Variants in SEPTIN8 observed in about 807,000 individuals in gnomAD.
SEPTIN8 encodes septin-8.
SEPTIN8 carries 22 observed loss-of-function variants against 53.1 expected under a neutral mutation model. That is an observed-to-expected ratio of 0.41 (90% CI 0.30 to 0.59). SEPTIN8 has a LOEUF of 0.59. Ranked by LOEUF, SEPTIN8 falls within the 20% of genes least tolerant of loss-of-function variation. The probability of loss-of-function intolerance (pLI) is 0.24; values close to 1 mark genes in which losing one functional copy is unlikely to be tolerated. For synonymous variants in SEPTIN8, 228 were observed against 248.4 expected (o/e 0.92, Z 0.77); for missense variants, 536 against 638.7 (o/e 0.84, Z 1.73).
chr5:132,780,081 A>G (rs942972103), upstream of SEPTIN8, among the ~76,000 whole-genome samples: 10 of 152,238 alleles, frequency 6.6e-5, no homozygotes, highest in East Asian at 3.8e-4. Context: ...AGGCAATGAT[A>G]GTAATACAGT....
Position 132,773,749 on chromosome 5 carries a change from T to C in SEPTIN8, c.30+3359A>G, listed in dbSNP as rs1456134667. 2.6e-5 allele frequency among the ~76,000 whole-genome samples: 4 copies of C among 152,200 alleles called. No homozygotes were observed. Among genetic ancestry groups the C allele is most frequent in the Non-Finnish European group, 4.4e-5 (3 of 68,030 alleles). ...GAGCTTGGTCTCCTCCTTGCCATCC[T>C]CTCTGTTCCTATCATGGTCAGTCTT... On this transcript the variant is annotated intron_variant, in intron 1 of 9. Coordinates refer to ENST00000378719, the MANE Select transcript of SEPTIN8 (RefSeq NM_001098811.2). This position sits in a 1 kb window ranked among gnomAD's most constrained non-coding sequence, Gnocchi z 4.2.
Position 132,752,248 on chromosome 5 carries a change from G to T in SEPTIN8, c.1287-67C>A, listed in dbSNP as rs1158818081. On this transcript the variant is annotated intron_variant, in intron 9 of 9. Transcript: ENST00000378719. ...GGCTCTGTGTTTTGCCCCTTTAGCT[G>T]ACACACTCTGACCCCAAAGGGGTAC... 3 of 1,515,960 alleles carry T rather than the reference G, an allele frequency of 2.0e-6. No homozygotes were observed. In the African/African-American group the frequency reaches 4.1e-5, roughly 21 times the overall value. 93.9% of individuals were successfully genotyped at this position (1,515,960 alleles called of 1,614,324 possible).
In SEPTIN8 at chr5:132,751,770, C is replaced by A; in HGVS notation, c.*246G>T. On this transcript the variant is annotated 3_prime_UTR_variant, in exon 10 of 10. Coordinates refer to ENST00000378719, the MANE Select transcript of SEPTIN8 (RefSeq NM_001098811.2). ...AAGCAGACTTTTTTTTTTTTTTGGT[C>A]CCGGAGTGGAAGCTCAGCTTGGCCA... The A allele has an allele frequency of 1.7e-6, 1 of 604,294 alleles. No individual in the cohort carries two copies. Among genetic ancestry groups the A allele is most frequent in the Non-Finnish European group, 2.8e-6 (1 of 359,114 alleles). 37.4% of individuals were successfully genotyped at this position (604,294 alleles called of 1,614,324 possible).
At chr5:132,772,970 G>T (rs1169213702) in intron 1 of SEPTIN8, among the ~76,000 whole-genome samples, 1 of 152,186 alleles carries the variant, frequency 6.6e-6, no homozygotes, top group Admixed American at 6.5e-5. Context: ...TGACCTCTAG[G>T]ATAGGGAACA....
intron 9 of SEPTIN8, chr5:132,758,527 A>G (rs771580046): frequency 1.7e-5 from 28 of 1,613,398 alleles, no homozygotes; most frequent in Non-Finnish European, 2.1e-5. Context: ...GGGAATAGTG[A>G]CACTGTAAAT....
In SEPTIN8 at chr5:132,764,258, C is replaced by A; in HGVS notation, c.313G>T (p.Val105Leu). 1.9e-6 allele frequency: 3 copies of A among 1,613,814 alleles called. No homozygotes were observed. Among genetic ancestry groups the A allele is most frequent in the South Asian group, 1.1e-5 (1 of 91,024 alleles). The stretch of plus-strand genomic sequence containing the variant: ...TTATTGATCTGATCCCCAAAGCCCA[C>A]GGCATCCACAATGGTCAGCTTGAGC... ...VQLKLTIVDA[V>L]GFGDQINKDE... The change falls in exon 3 of 10, where the codon GTG becomes TTG. Residue 105 changes from valine to leucine, a missense_variant. By Grantham distance (32) the Val-to-Leu change is conservative. This residue lies in a region of SEPTIN8 where 395 missense variants were observed against 451.8 expected (regional missense o/e 0.87). Coordinates refer to ENST00000378719, the MANE Select transcript of SEPTIN8 (RefSeq NM_001098811.2).
intron 1 of SEPTIN8, among the ~76,000 whole-genome samples, chr5:132,766,700 C>A (rs1160635986): frequency 6.6e-6 from 1 of 152,174 alleles, no homozygotes; most frequent in African/African-American, 2.4e-5. Context: ...TGAAGCAGGT[C>A]CAGCTAAGGA....
intron 1 of SEPTIN8, among the ~76,000 whole-genome samples, chr5:132,766,549 G>A (rs1362326255): frequency 6.6e-6 from 1 of 152,152 alleles, no homozygotes; most frequent in Non-Finnish European, 1.5e-5. Context: ...CCCTCTGGAG[G>A]GCAGACCTTA....
rs199555629 is a variant in SEPTIN8 at position 132,764,321 on chromosome 5, G to A, written c.250C>T (p.Arg84Trp). Residue 84 changes from arginine (R) to tryptophan (W), a missense_variant, in exon 3 of 10, where the codon CGG becomes TGG. By Grantham distance (101) the Arg-to-Trp change is moderately radical (BLOSUM62 -3). Transcript: ENST00000378719. ...ASHHEACVRLRPQTYDLQESN... is the reference protein window; with the variant it reads ...ASHHEACVRLWPQTYDLQESN... ...TCCTGGAGGTCATAGGTCTGGGGCC[G>A]CAGGCGCACGCATGCCTCATGGTGA... 498 of 1,614,196 alleles carry A rather than the reference G, an allele frequency of 3.1e-4. No individual in the cohort carries two copies. The highest frequency in any genetic ancestry group is 3.9e-4 in the Non-Finnish European group (461 of 1,180,006).
chr5:132,761,794 A>G lies in SEPTIN8; in HGVS notation c.793+6T>C. On this transcript the variant is annotated splice_donor_region_variant and intron_variant, in intron 6 of 9. Transcript: ENST00000378719. The surrounding 1 kb of genome is among the most constrained non-coding windows in gnomAD (Gnocchi z 5.8). Reference sequence around the variant, plus strand: ...CCCCCAGGATGCATTTCCTGTCCACACTCACCCTGCACCACTCCCCAGGGG... The same window carrying G: ...CCCCCAGGATGCATTTCCTGTCCACGCTCACCCTGCACCACTCCCCAGGGG... 1.2e-6 allele frequency: 2 copies of G among 1,605,974 alleles called. No homozygotes were observed. Among genetic ancestry groups the G allele is most frequent in the South Asian group, 2.2e-5 (2 of 89,632 alleles).
At chr5:132,754,111 G>T in intron 9 of SEPTIN8, 1 of 344,126 alleles carries the variant, frequency 2.9e-6, no homozygotes, top group Non-Finnish European at 5.4e-6. Flanking sequence ...ATTTTTTCTT[G>T]ACACACTTTT....
rs911354420 is a variant in SEPTIN8 at position 132,773,020 on chromosome 5, C to T, written c.30+4088G>A. On this transcript the variant is annotated intron_variant, in intron 1 of 9. Coordinates refer to ENST00000378719, the MANE Select transcript of SEPTIN8 (RefSeq NM_001098811.2). The surrounding 1 kb of genome is among the most constrained non-coding windows in gnomAD (Gnocchi z 4.2). ...ATCCTGAGGAGAATATCTAATTTGC[C>T]CCAAGAACATGTAGGGCAACTGCAC... Among the ~76,000 whole-genome samples the T allele has an allele frequency of 6.6e-6, 1 of 152,170 alleles. No homozygotes were observed. The highest frequency in any genetic ancestry group is 1.9e-4 in the East Asian group (1 of 5,198).
At chr5:132,777,818 G>T, upstream of SEPTIN8, 1 of 985,490 alleles carries the variant, frequency 1.0e-6, no homozygotes, top group Non-Finnish European at 1.2e-6. This position sits in a 1 kb window ranked among gnomAD's most constrained non-coding sequence, Gnocchi z 4.1. Context: ...CCGGCCAGGC[G>T]GCCTTCCCGG....
chr5:132,755,092 G>T (rs987473613), intron 9 of SEPTIN8, among the ~76,000 whole-genome samples: 2 of 152,110 alleles, frequency 1.3e-5, no homozygotes, highest in African/African-American at 4.8e-5. Flanking sequence ...TCAAAGCTTG[G>T]TGAATACTTT....
intron 1 of SEPTIN8, 67 bp from the exon 2 acceptor site, chr5:132,765,596 C>T (rs943740446): frequency 5.4e-5 from 82 of 1,511,110 alleles, no homozygotes; most frequent in Admixed American, 4.5e-4. Context: ...GCGGGGTGGG[C>T]GCTAAATCTG....
At position 132,761,062 on chromosome 5, in the gene SEPTIN8, C is replaced by A. The variant is rs1269585750; in HGVS notation, c.1096-70G>T. 6.2e-7 allele frequency: 1 copy of A among 1,606,148 alleles called. No homozygotes were observed. Among genetic ancestry groups the A allele is most frequent in the Non-Finnish European group, 8.5e-7 (1 of 1,175,496 alleles). On this transcript the variant is annotated intron_variant, in intron 8 of 9. Transcript: ENST00000378719. The surrounding 1 kb of genome is among the most constrained non-coding windows in gnomAD (Gnocchi z 5.8). Reference sequence around the variant, plus strand: ...GCTTGAGCCTGGGCCAGGAAGGCACCCCCACCTCTACCCTCAGCCAGGCCT... The same window carrying A: ...GCTTGAGCCTGGGCCAGGAAGGCACACCCACCTCTACCCTCAGCCAGGCCT...
intron 9 of SEPTIN8, chr5:132,753,079 T>G: frequency 2.3e-6 from 2 of 873,894 alleles, no homozygotes. Context: ...GGAAGGTGGC[T>G]CTGGAAGAGC....
At position 132,752,109 on chromosome 5, in the gene SEPTIN8, A is replaced by T; in HGVS notation, c.1359T>A (p.Ser453Arg). 1 of 1,599,468 alleles carries T rather than the reference A, an allele frequency of 6.3e-7. No homozygotes were observed. Residue 453 changes from serine to arginine, a missense_variant, in exon 10 of 10, where the codon AGT (serine) becomes AGA (arginine). Physicochemically the swap from Ser to Arg is moderately radical, Grantham distance 110. Around this residue, in one of 3 missense-constraint regions of SEPTIN8, gnomAD observed 133 missense variants for 157.4 expected, o/e 0.84. Transcript: ENST00000378719. ...AGCTGCTGCAGTTCAAGGGCTCCAC[A>T]CTGGCCTTGGTCATCATCACCTTAG... ...SSSKVMMTKA[S>R]VEPLNCSSWW...
At chr5:132,768,861 T>C (rs1053141401) in intron 1 of SEPTIN8, among the ~76,000 whole-genome samples, 1 of 152,212 alleles carries the variant, frequency 6.6e-6, no homozygotes, top group African/African-American at 2.4e-5. Context: ...CTCTGGGCTT[T>C]TCCCCTTCCC....
Sources: allele counts gnomAD v4.1 joint callset (sites outside exome capture counted in the v4.1 genomes callset), GRCh38; gene constraint gnomAD v4.1.1; regional missense constraint gnomAD v4.1.1; non-coding constraint Gnocchi (gnomAD v3.1); transcripts MANE v1.5; gene names NCBI Gene and HGNC (gene_info 2026-07-23, HGNC 2026-07-21).